JAK1: variants seen among roughly 807,000 people sequenced by gnomAD.
The protein encoded by JAK1 is tyrosine-protein kinase JAK1.
In JAK1, 16 loss-of-function variants were observed where a neutral mutation model predicts 136.6. That is an observed-to-expected ratio of 0.12 (90% CI 0.08 to 0.18). JAK1 has a LOEUF of 0.18. JAK1 is among the 10% of genes least tolerant of loss of function. The pLI, the probability that JAK1 is intolerant of heterozygous loss-of-function variation, is 1.00. For missense variants in JAK1, 859 were observed against 1,450.1 expected (o/e 0.59, Z 6.62); for synonymous variants, 492 against 519.5 (o/e 0.95, Z 0.72).
At chr1:65,025,163 G>A (rs1369790726) in intron 2 of JAK1, among the ~76,000 whole-genome samples, 1 of 152,110 alleles carries the variant, frequency 6.6e-6, no homozygotes, top group Non-Finnish European at 1.5e-5. Flanking sequence ...CAGAAGCACT[G>A]GCAAAAAGAC....
chr1:64,878,964 C>A (rs1055469237), intron 4 of JAK1, 61 bp downstream of exon 4: 6 of 1,560,456 alleles, frequency 3.8e-6, no homozygotes, highest in South Asian at 1.2e-5. Context: ...GGGCTCCAGG[C>A]TGACCACTGT....
At chr1:64,856,649 T>C (rs1007688902) in intron 10 of JAK1, among the ~76,000 whole-genome samples, 1 of 152,198 alleles carries the variant, frequency 6.6e-6, no homozygotes, top group Non-Finnish European at 1.5e-5. Context: ...CAATGACTGA[T>C]GAATAGACGG....
intron 5 of JAK1, among the ~76,000 whole-genome samples, chr1:64,870,475 C>T (rs1413171203): frequency 6.6e-6 from 1 of 151,962 alleles, no homozygotes; most frequent in African/African-American, 2.4e-5. Context: ...TATAAAACCC[C>T]AAGTCAAGTA....
rs34865486 is a variant in JAK1 at position 65,059,144 on chromosome 1, G to GAA, written c.-181+8458_-181+8459dup. ...ATATTATTACCCCATTTTATAGGCAGAAAAAAAAAAAAAAAACTTAGGTGA... is the reference window on the plus strand; with the variant it reads ...ATATTATTACCCCATTTTATAGGCAGAAAAAAAAAAAAAAAAAACTTAGGTGA... On this transcript the variant is annotated intron_variant, in intron 1 of 25. Coordinates refer to the JAK1 transcript ENST00000671954. 1.9e-3 allele frequency among the ~76,000 whole-genome samples: 256 copies of GAA among 137,650 alleles called. 2 individuals carry two copies. Among genetic ancestry groups the GAA allele is most frequent in the African/African-American group, 5.8e-3 (212 of 36,728 alleles). The allele number at this position is 137,650 out of a possible 152,430, so 90.3% of individuals were successfully genotyped here.
intron 1 of JAK1, among the ~76,000 whole-genome samples, chr1:64,947,186 T>C (rs1439315213): frequency 1.3e-5 from 2 of 152,212 alleles, no homozygotes; most frequent in African/African-American, 4.8e-5. Context: ...AGCTTAAAAA[T>C]GGCTCACATG....
chr1:65,053,525 C>G (rs1349519081), intron 1 of JAK1, among the ~76,000 whole-genome samples: 2 of 152,102 alleles, frequency 1.3e-5, no homozygotes, highest in Non-Finnish European at 2.9e-5. Context: ...TCTCAAAGAG[C>G]AACTGATCTG....
At chr1:64,968,350 C>T (rs1646417338), upstream of JAK1, among the ~76,000 whole-genome samples, 1 of 152,068 alleles carries the variant, frequency 6.6e-6, no homozygotes, top group Non-Finnish European at 1.5e-5. Flanking sequence ...GTCAGAGAGA[C>T]AGGCAAGTAA....
intron 2 of JAK1, among the ~76,000 whole-genome samples, chr1:64,980,484 C>T (rs545391728): frequency 4.4e-4 from 67 of 152,216 alleles, no homozygotes; most frequent in African/African-American, 1.5e-3. Context: ...CCCAAAATTT[C>T]CAAAACCTCC....
At position 64,984,215 on chromosome 1, in the gene JAK1, C is replaced by A. The variant is rs74080247; in HGVS notation, c.-78+60265G>T. ...AGTGAGGAAGGTGCTCTTACATAAACCCTGTCTGCCTTCCCACAGTGTGTG... is the reference window on the plus strand; with the variant it reads ...AGTGAGGAAGGTGCTCTTACATAAAACCTGTCTGCCTTCCCACAGTGTGTG... On this transcript the variant is annotated intron_variant, in intron 2 of 25. Coordinates refer to the JAK1 transcript ENST00000671954. The surrounding 1 kb of genome is among the most constrained non-coding windows in gnomAD (Gnocchi z 4.1). 6.6e-6 allele frequency among the ~76,000 whole-genome samples: 1 copy of A among 152,132 alleles called. No homozygotes were observed. Among genetic ancestry groups the A allele is most frequent in the Non-Finnish European group, 1.5e-5 (1 of 68,030 alleles).
At chr1:64,875,784 C>T (rs1657367238) in intron 4 of JAK1, among the ~76,000 whole-genome samples, 1 of 152,140 alleles carries the variant, frequency 6.6e-6, no homozygotes, top group Non-Finnish European at 1.5e-5. Flanking sequence ...CCTTACCCTC[C>T]GCTGGTGACA....
In JAK1 at chr1:64,984,140, G is replaced by A. The variant is rs1482100231; in HGVS notation, c.-78+60340C>T. Among the ~76,000 whole-genome samples the A allele has an allele frequency of 6.6e-6, 1 of 152,112 alleles. No individual in the cohort carries two copies. Among genetic ancestry groups the A allele is most frequent in the African/African-American group, 2.4e-5 (1 of 41,410 alleles). On this transcript the variant is annotated intron_variant, in intron 2 of 25. Coordinates refer to the JAK1 transcript ENST00000671954. The surrounding 1 kb of genome is among the most constrained non-coding windows in gnomAD (Gnocchi z 4.1). ...TAATATTTATGTAATTAAACCAGGA[G>A]GTAAAAATAAATAAAACTCAAGTTA...
intron 2 of JAK1, among the ~76,000 whole-genome samples, chr1:65,044,032 A>AT (rs1223850712): frequency 2.0e-5 from 3 of 151,426 alleles, no homozygotes; most frequent in East Asian, 1.9e-4. Flanking sequence ...GAATTTTTGT[A>AT]TTTTTTAAGA....
At chr1:64,985,684 CA>C in intron 2 of JAK1, 1 of 720,662 alleles carries the variant, frequency 1.4e-6, no homozygotes, top group Non-Finnish European at 2.5e-6. Context: ...TACGTGGGCA[CA>C]AAACCTGTGC....
In JAK1 at chr1:64,849,989, A is replaced by C. The variant is rs1168951659; in HGVS notation, c.1755+815T>G. The stretch of plus-strand genomic sequence containing the variant: ...ATCTCGGGGACTCACTGAAAAAGGT[A>C]AAGTAACAAACCCCCGAGTGCCACT... On this transcript the variant is annotated intron_variant, in intron 12 of 24. Coordinates refer to ENST00000342505, the MANE Select transcript of JAK1 (RefSeq NM_002227.4). 2.0e-5 allele frequency among the ~76,000 whole-genome samples: 3 copies of C among 152,160 alleles called. No homozygotes were observed. The South Asian group carries it at 6.2e-4, about 32-fold the overall frequency.
At chr1:64,847,028 C>T (rs966390922) in intron 13 of JAK1, 23 of 499,486 alleles carry the variant, frequency 4.6e-5, no homozygotes, top group Middle Eastern at 1.1e-3. Flanking sequence ...ATGCCCACCT[C>T]TCTCTCTTCC....
chr1:65,056,741 A>G (rs1319401840), intron 1 of JAK1, among the ~76,000 whole-genome samples: 1 of 152,008 alleles, frequency 6.6e-6, no homozygotes, highest in African/African-American at 2.4e-5. Context: ...TTTGGGCAAC[A>G]TGGTGAAACA....
chr1:64,846,125 C>T (rs368748700), intron 14 of JAK1, among the ~76,000 whole-genome samples: 7 of 152,182 alleles, frequency 4.6e-5, no homozygotes, highest in African/African-American at 7.2e-5. Flanking sequence ...AAAAAAAAAT[C>T]GCTCTTCTTC....
At chr1:64,847,841 G>A (rs1208395291) in intron 12 of JAK1, among the ~76,000 whole-genome samples, 166 bp from the exon 13 acceptor site, 1 of 152,026 alleles carries the variant, frequency 6.6e-6, no homozygotes, top group African/African-American at 2.4e-5. Flanking sequence ...AAAACAACAA[G>A]CTATTTGGCC....
At chr1:64,983,063 T>C (rs1265421401) in intron 2 of JAK1, among the ~76,000 whole-genome samples, 1 of 152,208 alleles carries the variant, frequency 6.6e-6, no homozygotes, top group Non-Finnish European at 1.5e-5. Context: ...TCAAGCATTT[T>C]ACTTTAGCAA....
Sources: allele counts gnomAD v4.1 joint callset (sites outside exome capture counted in the v4.1 genomes callset), GRCh38; gene constraint gnomAD v4.1.1; non-coding constraint Gnocchi (gnomAD v3.1); transcripts MANE v1.5; gene names NCBI Gene and HGNC (gene_info 2026-07-23, HGNC 2026-07-21).